DRC11: variants seen among roughly 807,000 people sequenced by gnomAD.
DRC11 encodes the protein IQ and AAA domain-containing protein 1.
At chr2:236,339,470 A>G in the DRC11 span, among the ~76,000 whole-genome samples, 1 of 152,202 alleles carries the variant, frequency 6.6e-6, no homozygotes, top group East Asian at 1.9e-4. Context: ...TGTCATATCT[A>G]AGGAACAACT....
chr2:236,329,463 C>T, the DRC11 span, among the ~76,000 whole-genome samples: 2 of 152,176 alleles, frequency 1.3e-5, no homozygotes, highest in Non-Finnish European at 2.9e-5. Context: ...TTACTATCAT[C>T]GTTATCATAC....
the DRC11 span, among the ~76,000 whole-genome samples, chr2:236,480,631 CTG>C: frequency 6.6e-6 from 1 of 152,094 alleles, no homozygotes; most frequent in African/African-American, 2.4e-5. Context: ...AGTTGCTTTC[CTG>C]TGTTATTTTG....
At chr2:236,346,024 C>T in the DRC11 span, among the ~76,000 whole-genome samples, 2 of 152,210 alleles carry the variant, frequency 1.3e-5, no homozygotes, top group Non-Finnish European at 2.9e-5. Flanking sequence ...TGGATCCTTG[C>T]GCTGGCCCAA....
chr2:236,375,514 A>G, the DRC11 span, among the ~76,000 whole-genome samples: 1 of 152,246 alleles, frequency 6.6e-6, no homozygotes, highest in African/African-American at 2.4e-5. This position sits in a 1 kb window ranked among gnomAD's most constrained non-coding sequence, Gnocchi z 4.2. Flanking sequence ...AGAAACACAG[A>G]AAGTAAAATA....
the DRC11 span, among the ~76,000 whole-genome samples, chr2:236,414,799 G>C: frequency 6.6e-6 from 1 of 152,154 alleles, no homozygotes; most frequent in Non-Finnish European, 1.5e-5. Flanking sequence ...CAAGTTTCTT[G>C]ATGAAAAGAT....
chr2:236,459,680 T>C, the DRC11 span, among the ~76,000 whole-genome samples: 1,633 of 120,702 alleles, frequency 0.014, 6 homozygotes, highest in East Asian at 0.023. Context: ...TACGTATATA[T>C]GTATATACAT....
At chr2:236,370,830 C>T in the DRC11 span, among the ~76,000 whole-genome samples, 2 of 151,144 alleles carry the variant, frequency 1.3e-5, no homozygotes, top group Non-Finnish European at 3.0e-5. This position sits in a 1 kb window ranked among gnomAD's most constrained non-coding sequence, Gnocchi z 5.5. Flanking sequence ...TGGTGGGAGC[C>T]GAGGGCTGGG....
At chr2:236,427,952 A>C in the DRC11 span, among the ~76,000 whole-genome samples, 171 of 152,190 alleles carry the variant, frequency 1.1e-3, no homozygotes, top group Non-Finnish European at 1.6e-3. This position sits in a 1 kb window ranked among gnomAD's most constrained non-coding sequence, Gnocchi z 5.9. Flanking sequence ...ATTGGTTTCA[A>C]GACATTTTAA....
chr2:236,369,593 T>C, the DRC11 span, among the ~76,000 whole-genome samples: 1 of 152,224 alleles, frequency 6.6e-6, no homozygotes, highest in Non-Finnish European at 1.5e-5. The surrounding 1 kb of genome is among the most constrained non-coding windows in gnomAD (Gnocchi z 4.5). Flanking sequence ...TAAACCCATA[T>C]TAATCTCCAG....
chr2:236,436,913 T>C, the DRC11 span, among the ~76,000 whole-genome samples: 1 of 152,330 alleles, frequency 6.6e-6, no homozygotes, highest in East Asian at 1.9e-4. Flanking sequence ...TATATCAATA[T>C]GGAAAGTTCC....
At chr2:236,328,384 G>A in the DRC11 span, among the ~76,000 whole-genome samples, 1 of 152,092 alleles carries the variant, frequency 6.6e-6, no homozygotes, top group Non-Finnish European at 1.5e-5. This position sits in a 1 kb window ranked among gnomAD's most constrained non-coding sequence, Gnocchi z 6.7. Context: ...TTGGAAGTTT[G>A]ACATGCATGG....
At chr2:236,475,760 T>C in the DRC11 span, among the ~76,000 whole-genome samples, 2 of 152,218 alleles carry the variant, frequency 1.3e-5, no homozygotes, top group African/African-American at 2.4e-5. The surrounding 1 kb of genome is among the most constrained non-coding windows in gnomAD (Gnocchi z 4.8). Context: ...TGGTGAGATA[T>C]AGGGGTCTAG....
At chr2:236,337,776 TA>T in the DRC11 span, among the ~76,000 whole-genome samples, 2 of 151,304 alleles carry the variant, frequency 1.3e-5, no homozygotes, top group Non-Finnish European at 2.9e-5. The surrounding 1 kb of genome is among the most constrained non-coding windows in gnomAD (Gnocchi z 4.9). Context: ...TCATTTTAAG[TA>T]AATCATTACA....
chr2:236,491,196 A>ATATATATATATACACAG, the DRC11 span, among the ~76,000 whole-genome samples: 4 of 63,206 alleles, frequency 6.3e-5, no homozygotes, highest in East Asian at 2.8e-4. Flanking sequence ...CAGTATATAT[A>ATATATATATATACACAG]TATATATATA....
chr2:236,321,222 G>T, the DRC11 span, among the ~76,000 whole-genome samples: 8 of 152,158 alleles, frequency 5.3e-5, no homozygotes, highest in South Asian at 1.7e-3. Context: ...CAGCAAGGAT[G>T]GAATAGCAAA....
the DRC11 span, among the ~76,000 whole-genome samples, chr2:236,341,695 A>G: frequency 6.6e-6 from 1 of 152,194 alleles, no homozygotes; most frequent in Non-Finnish European, 1.5e-5. Context: ...GGCTGACCCA[A>G]TGGGCAGAAG....
the DRC11 span, chr2:236,332,318 C>T: frequency 6.6e-6 from 1 of 152,188 alleles, no homozygotes; most frequent in Non-Finnish European, 1.5e-5. This position sits in a 1 kb window ranked among gnomAD's most constrained non-coding sequence, Gnocchi z 5.1. Flanking sequence ...GGATGCTTAA[C>T]TTTAGAGATG....
chr2:236,439,490 T>C, the DRC11 span, among the ~76,000 whole-genome samples: 3 of 152,232 alleles, frequency 2.0e-5, no homozygotes, highest in African/African-American at 7.2e-5. Context: ...TATTGAGTCT[T>C]TTTATCCAGA....
At chr2:236,312,723 A>G in the DRC11 span, among the ~76,000 whole-genome samples, 4 of 152,094 alleles carry the variant, frequency 2.6e-5, no homozygotes, top group South Asian at 8.3e-4. Flanking sequence ...AAAGTAAAAA[A>G]TTACAATAAA....
Sources: allele counts gnomAD v4.1 joint callset (sites outside exome capture counted in the v4.1 genomes callset), GRCh38; gene constraint gnomAD v4.1.1; non-coding constraint Gnocchi (gnomAD v3.1); transcripts MANE v1.5; gene names NCBI Gene and HGNC (gene_info 2026-07-23, HGNC 2026-07-21).